Variants in FRMPD2 observed in about 807,000 individuals in gnomAD.
FRMPD2 encodes the protein FERM and PDZ domain-containing protein 2.
A neutral mutation model predicts 140.1 loss-of-function variants in FRMPD2; 96 were observed. The observed-to-expected ratio is 0.69, with a 90% CI of 0.58 to 0.81. The LOEUF is 0.81. Ranked by LOEUF, FRMPD2 falls within the 40% of genes least tolerant of loss-of-function variation. FRMPD2 has a pLI of 0.00. For missense variants in FRMPD2, 1,240 were observed against 1,447.4 expected, an observed-to-expected ratio of 0.86 and a Z score of 2.32; for synonymous variants, 449 against 547.6, an observed-to-expected ratio of 0.82 and a Z score of 2.52.
chr10:48,198,152 C>T (rs1272787626), intron 15 of FRMPD2, among the ~76,000 whole-genome samples: 1 of 152,100 alleles, frequency 6.6e-6, no homozygotes, highest in Admixed American at 6.5e-5. Flanking sequence ...TTAGTTATAA[C>T]AATAATACAC....
intron 3 of FRMPD2, among the ~76,000 whole-genome samples, chr10:48,246,504 G>T (rs772062543): frequency 6.6e-6 from 1 of 152,256 alleles, no homozygotes; most frequent in Non-Finnish European, 1.5e-5. Context: ...CACCATGTTT[G>T]ATTGGTGATG....
rs199954416 is a variant in FRMPD2 at position 48,200,192 on chromosome 10, AT to A, written c.1954+1035del. The stretch of plus-strand genomic sequence containing the variant: ...AATAAATAAATAAATAAATAAATAA[AT>A]AAATAAAACAGAGCCAAGCAACCAT... On this transcript the variant is annotated intron_variant, in intron 15 of 28. Transcript: ENST00000374201. 1.5e-3 allele frequency among the ~76,000 whole-genome samples: 220 copies of A among 148,064 alleles called. 1 individual carries two copies. The highest frequency in any genetic ancestry group is 6.5e-3 in the South Asian group (31 of 4,794).
chr10:48,169,101 A>G (rs1326587909), intron 26 of FRMPD2, among the ~76,000 whole-genome samples: 2 of 151,822 alleles, frequency 1.3e-5, no homozygotes, highest in Non-Finnish European at 2.9e-5. Flanking sequence ...AATGACTCCA[A>G]CAAATAGCTG....
rs1366116159 is a variant in FRMPD2 at position 48,261,693 on chromosome 10, T to C, written c.26-10002A>G. On this transcript the variant is annotated intron_variant, in intron 1 of 28. Transcript: ENST00000374201. ...AAGGAAAATGATACAGAAGAGAAAC[T>C]CAGATCTTAAGCCATTTATTTCCCT... Among the ~76,000 whole-genome samples the C allele has an allele frequency of 2.0e-5, 3 of 152,128 alleles. No homozygotes were observed. The East Asian group carries it at 5.8e-4, about 29-fold the overall frequency.
chr10:48,192,590 CAA>C, intron 16 of FRMPD2, 92 bp downstream of exon 16: 8 of 1,062,162 alleles, frequency 7.5e-6, no homozygotes, highest in Non-Finnish European at 9.4e-6. Context: ...AACTCAGTCT[CAA>C]AAAAAAAATA....
At chr10:48,241,230 T>C (rs1178091334) in intron 5 of FRMPD2, among the ~76,000 whole-genome samples, 1 of 152,172 alleles carries the variant, frequency 6.6e-6, no homozygotes, top group African/African-American at 2.4e-5. Context: ...GTTGCCGCTG[T>C]CCACCCTGCT....
chr10:48,201,627 T>A, intron 14 of FRMPD2: 1 of 354,224 alleles, frequency 2.8e-6, no homozygotes, highest in Non-Finnish European at 5.2e-6. Flanking sequence ...TTTCAAGGAG[T>A]GTGCTGGGTG....
chr10:48,248,575 A>G (rs1840305517), intron 3 of FRMPD2: 1 of 152,504 alleles, frequency 6.6e-6, no homozygotes, highest in African/African-American at 2.4e-5. Flanking sequence ...TCAATTTATC[A>G]CTAACGTCAG....
At chr10:48,234,157 C>T (rs1165197120) in intron 9 of FRMPD2, among the ~76,000 whole-genome samples, 1 of 152,162 alleles carries the variant, frequency 6.6e-6, no homozygotes, top group African/African-American at 2.4e-5. Flanking sequence ...GTGCATGGAT[C>T]CAGCAACTGG....
rs868039691 is a variant in FRMPD2, at chr10:48,236,198, G to T, written c.993+284C>A. On this transcript the variant is annotated intron_variant, in intron 9 of 28. Coordinates refer to ENST00000374201, the MANE Select transcript of FRMPD2 (RefSeq NM_001018071.4). Reference sequence around the variant, plus strand: ...TTGTTTCATTCGCAGCATAGATGGGGGCCTAGAATAGTGCCTGGCACCTGG... The same window carrying T: ...TTGTTTCATTCGCAGCATAGATGGGTGCCTAGAATAGTGCCTGGCACCTGG... 3.9e-5 allele frequency among the ~76,000 whole-genome samples: 6 copies of T among 152,210 alleles called. No individual in the cohort carries two copies. The South Asian group carries it at 8.3e-4, about 21-fold the overall frequency.
At chr10:48,223,379 G>C in intron 10 of FRMPD2, 109 bp from the exon 11 acceptor site, 1 of 1,064,452 alleles carries the variant, frequency 9.4e-7, no homozygotes, top group Non-Finnish European at 1.3e-6. Flanking sequence ...AGCTGGGTGA[G>C]TGCAGGAGTG....
chr10:48,246,443 G>GCAGTGAGA (rs1840249860), intron 3 of FRMPD2, among the ~76,000 whole-genome samples: 1 of 152,256 alleles, frequency 6.6e-6, no homozygotes. Context: ...ACTGCCAGTA[G>GCAGTGAGA]AGGCTGGTGA....
intron 15 of FRMPD2, among the ~76,000 whole-genome samples, chr10:48,198,591 G>GT (rs1047335531): frequency 1.1e-4 from 16 of 151,312 alleles, no homozygotes; most frequent in Admixed American, 2.0e-4. Flanking sequence ...TTTTAGAATA[G>GT]TTTTTTTTTC....
At chr10:48,227,990 T>C (rs1013734584) in intron 10 of FRMPD2, among the ~76,000 whole-genome samples, 3 of 152,166 alleles carry the variant, frequency 2.0e-5, no homozygotes, top group East Asian at 1.9e-4. Flanking sequence ...ATGTTTAAGA[T>C]GGTAAAATTG....
chr10:48,157,091 C>T lies in FRMPD2; in HGVS notation c.*231G>A, dbSNP rs1837797680. 1 of 510,830 alleles carries T rather than the reference C, an allele frequency of 2.0e-6. No individual in the cohort carries two copies. The highest frequency in any genetic ancestry group is 3.6e-6 in the Non-Finnish European group (1 of 274,584). 31.6% of individuals were successfully genotyped at this position (510,830 alleles called of 1,614,324 possible). A position where few individuals can be genotyped will look rare whatever the true frequency, so the allele number is the denominator to read the frequency against. On this transcript the variant is annotated 3_prime_UTR_variant, in exon 29 of 29. Coordinates refer to ENST00000374201, the MANE Select transcript of FRMPD2 (RefSeq NM_001018071.4). ...CCTTTTCTGAGCACTGAAAATTTGCCTATTTAGAGATGCGGCAAGCTGAAG... is the reference window on the plus strand; with the variant it reads ...CCTTTTCTGAGCACTGAAAATTTGCTTATTTAGAGATGCGGCAAGCTGAAG...
intron 27 of FRMPD2, among the ~76,000 whole-genome samples, chr10:48,167,730 G>A (rs1260689709): frequency 1.1e-4 from 17 of 152,074 alleles, no homozygotes; most frequent in South Asian, 1.0e-3. Flanking sequence ...ACAGATAGGC[G>A]GTCACATACC....
Position 48,267,748 on chromosome 10 carries a change from G to A in FRMPD2, c.25+6795C>T, listed in dbSNP as rs1270738628. Among the ~76,000 whole-genome samples, 5 of 152,126 alleles carry A rather than the reference G, an allele frequency of 3.3e-5. No homozygotes were observed. The East Asian group carries it at 5.8e-4, about 18-fold the overall frequency. ...CAAAAAGTGGAAACAACTCAGTGTC[G>A]ATCAAGGGATGAATGGATAAACACA... is the stretch of plus-strand genomic sequence containing the variant. On this transcript the variant is annotated intron_variant, in intron 1 of 28. Transcript: ENST00000374201.
At chr10:48,239,478 T>C (rs1840050409) in intron 7 of FRMPD2, 127 bp downstream of exon 7, 5 of 621,828 alleles carry the variant, frequency 8.0e-6, no homozygotes, top group Non-Finnish European at 8.4e-6. Flanking sequence ...GTTAATGGAA[T>C]AGCATTGGCA....
In FRMPD2 at chr10:48,222,941, C is replaced by T. The variant is rs1020987728; in HGVS notation, c.1316+182G>A. Among the ~76,000 whole-genome samples the T allele has an allele frequency of 8.5e-5, 13 of 152,318 alleles. No homozygotes were observed. In the South Asian group the frequency reaches 2.3e-3, roughly 27 times the overall value. Reference sequence around the variant, plus strand: ...TCTGACCAGGGCCTGCATAAAAAAACTGATTTTCCTCCTTTGTTCTATCTT... The same window carrying T: ...TCTGACCAGGGCCTGCATAAAAAAATTGATTTTCCTCCTTTGTTCTATCTT... On this transcript the variant is annotated intron_variant, in intron 11 of 28. Coordinates refer to ENST00000374201, the MANE Select transcript of FRMPD2 (RefSeq NM_001018071.4).
Sources: allele counts gnomAD v4.1 joint callset (sites outside exome capture counted in the v4.1 genomes callset), GRCh38; gene constraint gnomAD v4.1.1; transcripts MANE v1.5; gene names NCBI Gene and HGNC (gene_info 2026-07-23, HGNC 2026-07-21).